Variants in ASAP3 observed in about 807,000 individuals in gnomAD.
ASAP3 encodes ArfGAP with SH3 domain, ankyrin repeat and PH domain 3, also known as arf-GAP with SH3 domain, ANK repeat and PH domain-containing protein 3.
In ASAP3, 85 loss-of-function variants were observed where a neutral mutation model predicts 118.2. The observed-to-expected ratio is 0.72, with a 90% CI of 0.60 to 0.86. The LOEUF (loss-of-function observed/expected upper bound fraction) is 0.86. Ranked by LOEUF, ASAP3 falls within the 40% of genes least tolerant of loss-of-function variation. The pLI is 0.00. For synonymous variants in ASAP3, 432 were observed against 477.4 expected (o/e 0.90, Z 1.24); for missense variants, 1,026 against 1,175.0 (o/e 0.87, Z 1.85).
At chr1:23,452,882 G>T in intron 3 of ASAP3, 111 bp from the exon 4 acceptor site, 1 of 1,030,140 alleles carries the variant, frequency 9.7e-7, no homozygotes, top group Non-Finnish European at 1.5e-6. Flanking sequence ...GGGAAGGGAA[G>T]TAGGGGAGAG....
chr1:23,451,228 C>T (rs571481010), intron 5 of ASAP3, among the ~76,000 whole-genome samples: 1 of 152,208 alleles, frequency 6.6e-6, no homozygotes, highest in African/African-American at 2.4e-5. Flanking sequence ...CTGCCCATGT[C>T]TGGCACCACT....
In ASAP3 at chr1:23,431,665, G is replaced by T. The variant is rs770032513; in HGVS notation, c.2546+31C>A. ...GATGCTCAGAGAAGTCAGGGGATTT[G>T]CCCTGGTTGCACAGCTGGGCCCTCA... On this transcript the variant is annotated intron_variant, in intron 23 of 24. Transcript: ENST00000336689. 1.7e-5 allele frequency: 26 copies of T among 1,509,392 alleles called. No individual in the cohort carries two copies. The East Asian group carries it at 2.6e-4, about 15-fold the overall frequency. 93.5% of individuals were successfully genotyped at this position (1,509,392 alleles called of 1,614,324 possible). A position where few individuals can be genotyped will look rare whatever the true frequency, so the allele number is the denominator to read the frequency against.
chr1:23,436,990 C>A lies in ASAP3; in HGVS notation c.1397G>T (p.Gly466Val). The A allele has an allele frequency of 1.9e-6, 3 of 1,612,328 alleles. No individual in the cohort carries two copies. Among genetic ancestry groups the A allele is most frequent in the Non-Finnish European group, 2.5e-6 (3 of 1,179,670 alleles). Residue 466 changes from glycine to valine, a missense_variant, in exon 15 of 25, where the codon GGC becomes GTC. Transcript: ENST00000336689. The surrounding 1 kb of genome is among the most constrained non-coding windows in gnomAD (Gnocchi z 4.2). ...GCGCACGCCCAGTTCGCGGTGGACG[C>A]CCGAGCACTGGATGCAGGTGAGCAC... The part of the protein sequence containing the change: ...LGVLTCIQCS[G>V]VHRELGVRFS...
chr1:23,451,351 T>C, intron 5 of ASAP3, 128 bp downstream of exon 5: 1 of 1,020,194 alleles, frequency 9.8e-7, no homozygotes, highest in Non-Finnish European at 1.5e-6. Context: ...AACAATCTGC[T>C]GTAAATGCCT....
At chr1:23,474,077 C>T (rs1336972375) in intron 1 of ASAP3, among the ~76,000 whole-genome samples, 2 of 142,480 alleles carry the variant, frequency 1.4e-5, no homozygotes, top group South Asian at 4.6e-4. Context: ...AAGCAATTCT[C>T]CTGCCTCAGC....
intron 19 of ASAP3, among the ~76,000 whole-genome samples, chr1:23,433,939 T>C (rs757025646): frequency 6.6e-6 from 1 of 152,236 alleles, no homozygotes; most frequent in Non-Finnish European, 1.5e-5. Context: ...CAAAAAGCAC[T>C]TGTCCCATTG....
At chr1:23,454,375 A>T (rs1014862373) in intron 3 of ASAP3, among the ~76,000 whole-genome samples, 2 of 152,106 alleles carry the variant, frequency 1.3e-5, no homozygotes, top group Non-Finnish European at 2.9e-5. Context: ...TTTCGCAAAG[A>T]CAGTTTCACC....
chr1:23,459,494 C>T (rs973852259), intron 1 of ASAP3, among the ~76,000 whole-genome samples: 4 of 152,164 alleles, frequency 2.6e-5, no homozygotes, highest in Admixed American at 2.6e-4. Flanking sequence ...GATTCTCTCT[C>T]CCACCTGACC....
chr1:23,435,890 C>A lies in ASAP3; in HGVS notation c.1710G>T (p.Gly570=). The change falls in exon 17 of 25, where the codon GGG becomes GGT. Residue 570 remains glycine, a synonymous_variant. Coordinates refer to ENST00000336689, the MANE Select transcript of ASAP3 (RefSeq NM_017707.4). ...LLSVLEAFAN[G]QDFGQPLPGP... The stretch of plus-strand genomic sequence containing the variant: ...CTGGCAGCGGCTGTCCAAAGTCCTG[C>A]CCATTGGCAAAGGCCTCCAGTACCG... The A allele has an allele frequency of 1.9e-6, 3 of 1,614,264 alleles. No individual in the cohort carries two copies. The highest frequency in any genetic ancestry group is 2.5e-6 in the Non-Finnish European group (3 of 1,180,054).
At chr1:23,484,398 C>G (rs1381517672), upstream of ASAP3, 3 of 262,904 alleles carry the variant, frequency 1.1e-5, no homozygotes, top group Non-Finnish European at 2.1e-5. Flanking sequence ...CTTCCCCGGC[C>G]CCTCGCCGGC....
Position 23,431,122 on chromosome 1 carries a change from G to A in ASAP3, c.2550C>T (p.Ser850=), listed in dbSNP as rs533865396. 2.7e-5 allele frequency: 42 copies of A among 1,583,590 alleles called. No homozygotes were observed. The East Asian group carries it at 5.5e-4, about 21-fold the overall frequency. ...SEMYLPVRFS[S]ESTRSYRRGA... ...CCCGCCGATAGGAGCGAGTGCTCTC[G>A]GAGCTGGAAGGCAGGGAAAGGCCAA... Residue 850 remains serine (S), a synonymous_variant, in exon 24 of 25, where the codon TCC becomes TCT. Transcript: ENST00000336689.
chr1:23,472,459 G>C (rs1641992016), intron 1 of ASAP3, among the ~76,000 whole-genome samples: 1 of 152,140 alleles, frequency 6.6e-6, no homozygotes, highest in Non-Finnish European at 1.5e-5. Context: ...ACGGGTATGA[G>C]CCACCACACT....
intron 1 of ASAP3, among the ~76,000 whole-genome samples, chr1:23,480,936 G>A (rs971556059): frequency 3.9e-5 from 6 of 152,180 alleles, no homozygotes; most frequent in Admixed American, 1.3e-4. Context: ...AACCCAGTAA[G>A]GTAAGCAGGG....
Position 23,456,005 on chromosome 1 carries a change from T to C in ASAP3, c.224A>G (p.Gln75Arg). Residue 75 changes from glutamine to arginine, a missense_variant, in exon 3 of 25, where the codon CAG (glutamine) becomes CGG (arginine). Physicochemically the swap from Gln to Arg is conservative, Grantham distance 43 (BLOSUM62 1). Transcript: ENST00000336689. The stretch of plus-strand genomic sequence containing the variant: ...TAAGGATTCCACGGCCTCTCGGTAC[T>C]GCTCTTCATTCTCCACATGGCCTGT... ...SGLGHVENEE[Q>R]YREAVESLGN... 4.3e-6 allele frequency: 7 copies of C among 1,614,144 alleles called. No individual in the cohort carries two copies. Among genetic ancestry groups the C allele is most frequent in the Non-Finnish European group, 5.9e-6 (7 of 1,180,020 alleles).
chr1:23,472,760 G>A (rs531154599), intron 1 of ASAP3, among the ~76,000 whole-genome samples: 2 of 152,110 alleles, frequency 1.3e-5, no homozygotes, highest in African/African-American at 4.8e-5. Flanking sequence ...ACAGTAAGAG[G>A]GAATTTTAAA....
intron 1 of ASAP3, among the ~76,000 whole-genome samples, chr1:23,456,987 C>G (rs1222592463): frequency 6.6e-6 from 1 of 152,166 alleles, no homozygotes; most frequent in Non-Finnish European, 1.5e-5. Context: ...GTCTCACATG[C>G]CCCAAGCAGG....
chr1:23,481,322 C>T (rs1642299759), intron 1 of ASAP3, among the ~76,000 whole-genome samples: 1 of 152,328 alleles, frequency 6.6e-6, no homozygotes, highest in South Asian at 2.1e-4. Context: ...GAAGACTTGA[C>T]TTAAGAATCA....
chr1:23,452,583 C>A (rs1279291648), intron 4 of ASAP3, 114 bp downstream of exon 4: 27 of 1,201,752 alleles, frequency 2.2e-5, no homozygotes, highest in Non-Finnish European at 3.3e-5. Flanking sequence ...ATCACTCCCG[C>A]TAAGACAGCC....
intron 1 of ASAP3, among the ~76,000 whole-genome samples, chr1:23,456,446 TAA>T (rs1385438309): frequency 6.6e-6 from 1 of 152,020 alleles, no homozygotes; most frequent in Non-Finnish European, 1.5e-5. Context: ...CAATGCAGCG[TAA>T]ATGTAGTGAG....
Sources: gnomAD v4.1 joint callset for allele counts (sites outside exome capture counted in the v4.1 genomes callset) on GRCh38, gnomAD v4.1.1 for gene constraint, Gnocchi (gnomAD v3.1) non-coding constraint, MANE v1.5 for transcripts, NCBI Gene and HGNC (gene_info 2026-07-23, HGNC 2026-07-21) for gene names.